The following LPP variants were observed in gnomAD, a reference collection of about 807,000 sequenced individuals.
LPP encodes lipoma-preferred partner.
Under a neutral mutation model 60.4 loss-of-function variants are expected in LPP, and 38 were observed. The ratio of observed to expected loss-of-function variants is 0.63; its 90% CI spans 0.49 to 0.83. The LOEUF is 0.83. Among genes scored for constraint, LPP ranks in the 40% least tolerant of loss-of-function variants. The pLI is 0.00. For missense variants in LPP, 902 were observed against 783.6 expected, an observed-to-expected ratio of 1.15 and a Z score of -1.80; for synonymous variants, 328 against 290.8, an observed-to-expected ratio of 1.13 and a Z score of -1.30.
At chr3:188,228,758 G>GA (rs759284324) in intron 2 of LPP, among the ~76,000 whole-genome samples, 6 of 152,152 alleles carry the variant, frequency 3.9e-5, no homozygotes, top group Non-Finnish European at 7.4e-5. Flanking sequence ...TGCAACCCTA[G>GA]AAAAACAACA....
rs796973640 is a variant in LPP at position 188,509,867 on chromosome 3, T to TTTTG, written c.307-14796_307-14795insTGTT. On this transcript the variant is annotated intron_variant, in intron 5 of 11. Transcript: ENST00000617246. Reference sequence around the variant, plus strand: ...GCCACCATGCCTGGCTAATTTTTTTTTTGTTGTTTTTTTTTTTTTTTTTGC... The same window carrying TTTTG: ...GCCACCATGCCTGGCTAATTTTTTTTTTTGTTGTTGTTTTTTTTTTTTTTTTTGC... Among the ~76,000 whole-genome samples, 228 of 97,126 alleles carry TTTTG rather than the reference T, an allele frequency of 2.3e-3. 4 individuals carry two copies. The highest frequency in any genetic ancestry group is 7.1e-3 in the African/African-American group (214 of 30,044). The allele number at this position is 97,126 out of a possible 152,430, so 63.7% of individuals were successfully genotyped here.
rs748658021 is a variant in LPP, at chr3:188,874,419, C to T, written c.1779C>T (p.Cys593=). Residue 593 remains cysteine, a synonymous_variant, in exon 12 of 12, where the codon TGC becomes TGT. Transcript: ENST00000617246. ...GCYPLDGHIL[C]KTCNSARIRV... ...ACCCCTTGGATGGGCACATCCTCTG[C>T]AAGACCTGCAACTCTGCCCGCATCA... 15 of 1,614,084 alleles carry T rather than the reference C, an allele frequency of 9.3e-6. No individual in the cohort carries two copies. Among genetic ancestry groups the T allele is most frequent in the Non-Finnish European group, 1.3e-5 (15 of 1,180,022 alleles).
intron 2 of LPP, among the ~76,000 whole-genome samples, chr3:188,333,000 A>G (rs1180389291): frequency 1.4e-5 from 2 of 146,938 alleles, no homozygotes; most frequent in Admixed American, 6.9e-5. Context: ...ACATAAAGAT[A>G]GGTGTGGTGA....
At chr3:188,239,433 G>A (rs941552763) in intron 2 of LPP, among the ~76,000 whole-genome samples, 2 of 152,130 alleles carry the variant, frequency 1.3e-5, no homozygotes, top group African/African-American at 2.4e-5. Context: ...TCGATTACAC[G>A]GCTGAAAGGA....
intron 10 of LPP, among the ~76,000 whole-genome samples, chr3:188,868,749 G>A (rs536151887): frequency 6.6e-6 from 1 of 152,348 alleles, no homozygotes; most frequent in South Asian, 2.1e-4. Context: ...GGCCTTGTTT[G>A]TGGTCCTTTT....
chr3:188,513,278 G>A (rs532021338), intron 5 of LPP, among the ~76,000 whole-genome samples: 19 of 152,330 alleles, frequency 1.2e-4, no homozygotes, highest in Non-Finnish European at 1.5e-4. Context: ...GTAAGGTGAC[G>A]CTCTAGGATG....
intron 1 of LPP, among the ~76,000 whole-genome samples, chr3:188,181,999 A>G (rs1725154708): frequency 6.6e-6 from 1 of 152,238 alleles, no homozygotes. Context: ...TTCTGCTGGG[A>G]TGCCCACAGC....
At chr3:188,506,369 AG>A (rs1813459939) in intron 5 of LPP, among the ~76,000 whole-genome samples, 4 of 152,248 alleles carry the variant, frequency 2.6e-5, no homozygotes, top group African/African-American at 9.6e-5. Context: ...ACTATGAGTC[AG>A]TTAATAAATA....
At position 188,760,103 on chromosome 3, in the gene LPP, T is replaced by C. The variant is rs1292934975; in HGVS notation, c.1241-10T>C. On this transcript the variant is annotated splice_polypyrimidine_tract_variant and intron_variant, in intron 8 of 11. Transcript: ENST00000617246. ...CTTGGTGTGTTCTTATCAAACCCTT[T>C]TTTTTCCAGGCCGCTGTGCTCGCTG... is the stretch of plus-strand genomic sequence containing the variant. 1.2e-5 allele frequency: 19 copies of C among 1,613,490 alleles called. No individual in the cohort carries two copies. The highest frequency in any genetic ancestry group is 2.7e-5 in the African/African-American group (2 of 74,886).
rs1276335822 is a variant in LPP, at chr3:188,182,014, T to C, written c.-190+27762T>C. Among the ~76,000 whole-genome samples the C allele has an allele frequency of 6.6e-6, 1 of 152,254 alleles. No homozygotes were observed. The highest frequency in any genetic ancestry group is 1.5e-5 in the Non-Finnish European group (1 of 68,040). The stretch of plus-strand genomic sequence containing the variant: ...TTCTGCTGGGATGCCCACAGCACTT[T>C]GGCCAGATCTCTGATATAGAATTTA... On this transcript the variant is annotated intron_variant, in intron 1 of 11. Transcript: ENST00000617246. The surrounding 1 kb of genome is among the most constrained non-coding windows in gnomAD (Gnocchi z 4.4).
At chr3:188,639,829 C>T (rs1355936010) in intron 7 of LPP, among the ~76,000 whole-genome samples, 5 of 152,208 alleles carry the variant, frequency 3.3e-5, no homozygotes, top group African/African-American at 4.8e-5. Context: ...TACCATCTCA[C>T]ACCAGTTGGA....
intron 8 of LPP, among the ~76,000 whole-genome samples, chr3:188,751,433 A>G (rs1470049389): frequency 3.3e-5 from 5 of 152,250 alleles, no homozygotes; most frequent in Non-Finnish European, 7.3e-5. Context: ...GACTGGTTAA[A>G]AAATTAAGAC....
Position 188,717,447 on chromosome 3 carries a change from G to A in LPP, c.1240+9054G>A, listed in dbSNP as rs115947708. The stretch of plus-strand genomic sequence containing the variant: ...CAAACTGGGAAATGACTCCAGGTAG[G>A]CAGCTACCTTTAGTGGATCTTGTTT... On this transcript the variant is annotated intron_variant, in intron 8 of 11. Transcript: ENST00000617246. Among the ~76,000 whole-genome samples the A allele has an allele frequency of 3.1e-3, 472 of 152,252 alleles. 2 individuals carry two copies. The highest frequency in any genetic ancestry group is 0.011 in the African/African-American group (444 of 41,542).
At chr3:188,371,635 ATATATATTTTTTTTTT>A (rs1773159761) in intron 3 of LPP, among the ~76,000 whole-genome samples, 1 of 29,056 alleles carries the variant, frequency 3.4e-5, no homozygotes, top group East Asian at 1.7e-3. Context: ...ATATATATAT[ATATATATTTTTTTTTT>A]TTTTTTTTTT....
intron 5 of LPP, among the ~76,000 whole-genome samples, chr3:188,495,611 T>A (rs1809966832): frequency 6.6e-6 from 1 of 152,076 alleles, no homozygotes; most frequent in African/African-American, 2.4e-5. Context: ...ACCTCCGAGG[T>A]AGTTTTCTTT....
At chr3:188,292,244 C>A (rs565961702) in intron 2 of LPP, among the ~76,000 whole-genome samples, 8 of 152,316 alleles carry the variant, frequency 5.3e-5, no homozygotes, top group Admixed American at 3.9e-4. Context: ...TAAAGAGGAG[C>A]ACTTCTACTG....
At chr3:188,249,276 A>C (rs1479936) in intron 2 of LPP, among the ~76,000 whole-genome samples, 76,008 of 151,684 alleles carry the variant, frequency 0.5, 19,522 homozygotes, top group Middle Eastern at 0.65. Flanking sequence ...TCATGCCTAT[A>C]GTCTCAGCTA....
chr3:188,510,011 C>T (rs763422958), intron 5 of LPP, among the ~76,000 whole-genome samples: 6 of 151,822 alleles, frequency 4.0e-5, no homozygotes, highest in African/African-American at 9.7e-5. Flanking sequence ...GCCACTGCAC[C>T]GGGCCTGTCT....
rs1559814 is a variant in LPP, at chr3:188,484,794, G to T, written c.306+90G>T. 0.98 allele frequency: 905,647 copies of T among 924,344 alleles called. 445,347 individuals carry two copies. The highest frequency in any genetic ancestry group is 1 in the East Asian group (41,623 of 41,628). The allele number at this position is 924,344 out of a possible 1,614,324, so 57.3% of individuals were successfully genotyped here. Reference sequence around the variant, plus strand: ...CCTAGGGAGCTCATGAATTTCATGAGTGTTTCTGTGCTGGATAAACATTTA... The same window carrying T: ...CCTAGGGAGCTCATGAATTTCATGATTGTTTCTGTGCTGGATAAACATTTA... On this transcript the variant is annotated intron_variant, in intron 5 of 11. Transcript: ENST00000617246.
Sources: gnomAD v4.1 joint callset for allele counts (sites outside exome capture counted in the v4.1 genomes callset) on GRCh38, gnomAD v4.1.1 for gene constraint, Gnocchi (gnomAD v3.1) non-coding constraint, MANE v1.5 for transcripts, NCBI Gene and HGNC (gene_info 2026-07-23, HGNC 2026-07-21) for gene names.